The following ZNF385D variants were observed in gnomAD, a reference collection of about 807,000 sequenced individuals.
ZNF385D encodes the protein zinc finger protein 659.
Under a neutral mutation model 35.8 loss-of-function variants are expected in ZNF385D, and 15 were observed. The observed-to-expected ratio is 0.42, with a 90% confidence interval of 0.28 to 0.64. The LOEUF (loss-of-function observed/expected upper bound fraction) is 0.64, where lower values mean the gene tolerates loss of function less well. Among genes scored for constraint, ZNF385D ranks in the 30% least tolerant of loss-of-function variants. ZNF385D has a pLI of 0.23. For missense variants in ZNF385D, 474 were observed against 494.6 expected, an observed-to-expected ratio of 0.96 and a Z score of 0.39; for synonymous variants, 212 against 186.8, an observed-to-expected ratio of 1.13 and a Z score of -1.10.
intron 4 of ZNF385D, among the ~76,000 whole-genome samples, chr3:21,491,072 A>G (rs1441617465): frequency 8.3e-6 from 1 of 120,594 alleles, no homozygotes. Flanking sequence ...AGGTGTTTTA[A>G]GATAATTCAT....
intron 3 of ZNF385D, among the ~76,000 whole-genome samples, chr3:21,918,296 C>T (rs1700292167): frequency 6.6e-6 from 1 of 152,008 alleles, no homozygotes; most frequent in African/African-American, 2.4e-5. Flanking sequence ...AGTGAGAGGC[C>T]AAAACAATGA....
chr3:21,633,193 A>G (rs2065331600), intron 2 of ZNF385D, among the ~76,000 whole-genome samples: 1 of 152,092 alleles, frequency 6.6e-6, no homozygotes, highest in Admixed American at 6.6e-5. Context: ...ATAATACAAC[A>G]GTACAACTAA....
chr3:22,081,660 T>G (rs1241625263), intron 3 of ZNF385D, among the ~76,000 whole-genome samples: 1 of 152,128 alleles, frequency 6.6e-6, no homozygotes, highest in Non-Finnish European at 1.5e-5. Context: ...TCTACCCTGT[T>G]TTTTACAAGT....
chr3:22,098,084 G>A (rs141836224), intron 3 of ZNF385D, among the ~76,000 whole-genome samples: 167 of 152,068 alleles, frequency 1.1e-3, no homozygotes, highest in African/African-American at 3.8e-3. Flanking sequence ...TGGTAGTGGT[G>A]GTATATGTTG....
At chr3:21,516,965 T>C (rs1424876298) in intron 3 of ZNF385D, among the ~76,000 whole-genome samples, 1 of 152,104 alleles carries the variant, frequency 6.6e-6, no homozygotes, top group East Asian at 1.9e-4. Context: ...TTCCCTTTTT[T>C]TGTTTTTTTA....
At position 21,750,903 on chromosome 3, in the gene ZNF385D, AT is replaced by A; in HGVS notation, c.13del (p.Met5CysfsTer59). 1 of 1,614,096 alleles carries A rather than the reference AT, an allele frequency of 6.2e-7. No individual in the cohort carries two copies. Among genetic ancestry groups the A allele is most frequent in the East Asian group, 2.2e-5 (1 of 44,858 alleles). On this transcript the variant is annotated frameshift_variant, in exon 1 of 8. Coordinates refer to ENST00000281523, the MANE Select transcript of ZNF385D (RefSeq NM_024697.3). LOFTEE classifies it high-confidence loss of function. MRNIMYFGGTCQSPA... is the reference protein window; with the variant it reads MRNIXYFGGTCQSPA... ...TCAGAGTGAACACTCACCAAAATAC[AT>A]TATGTTTCTCATTAATCAGACAGCT...
At chr3:22,335,101 T>A (rs1377209120) in intron 2 of ZNF385D, among the ~76,000 whole-genome samples, 1 of 152,152 alleles carries the variant, frequency 6.6e-6, no homozygotes, top group Admixed American at 6.5e-5. Flanking sequence ...ATATTTTATA[T>A]TGAATATAAT....
intron 3 of ZNF385D, among the ~76,000 whole-genome samples, chr3:22,047,965 T>G (rs1033420233): frequency 6.6e-6 from 1 of 152,166 alleles, no homozygotes; most frequent in African/African-American, 2.4e-5. Flanking sequence ...AATAGCTCAT[T>G]GTGGATTTAA....
At chr3:22,216,803 A>C (rs745924443) in intron 2 of ZNF385D, among the ~76,000 whole-genome samples, 1 of 152,042 alleles carries the variant, frequency 6.6e-6, no homozygotes, top group Non-Finnish European at 1.5e-5. Flanking sequence ...CGTCAATGAA[A>C]AATTATTGGC....
chr3:21,908,110 TTCTC>T (rs1312283300), intron 3 of ZNF385D, among the ~76,000 whole-genome samples: 4 of 137,702 alleles, frequency 2.9e-5, no homozygotes, highest in African/African-American at 1.1e-4. Context: ...CTATATATCT[TTCTC>T]TCTATATCTA....
At chr3:21,576,845 G>T (rs2063510048) in intron 2 of ZNF385D, among the ~76,000 whole-genome samples, 1 of 152,166 alleles carries the variant, frequency 6.6e-6, no homozygotes, top group Non-Finnish European at 1.5e-5. Flanking sequence ...TCTGTAACAG[G>T]TTTTTTCTAT....
rs368023447 is a variant in ZNF385D, at chr3:22,333,519, C to G, written c.106+38931G>C. On this transcript the variant is annotated intron_variant, in intron 2 of 5. Transcript: ENST00000494108. ...CGTATAATTCCTATTAATTGGTCTT[C>G]AATTTCACTGAACTTCTGTTGTCAT... 2.6e-4 allele frequency among the ~76,000 whole-genome samples: 40 copies of G among 152,142 alleles called. 1 individual carries two copies. The South Asian group carries it at 7.0e-3, about 27-fold the overall frequency.
intron 2 of ZNF385D, among the ~76,000 whole-genome samples, chr3:22,220,562 T>C (rs914132284): frequency 1.3e-5 from 2 of 152,196 alleles, no homozygotes; most frequent in Non-Finnish European, 2.9e-5. Flanking sequence ...GTTATTGTCA[T>C]TGTCTTTAGT....
intron 4 of ZNF385D, among the ~76,000 whole-genome samples, chr3:21,448,591 T>G (rs1702280331): frequency 6.6e-6 from 1 of 151,984 alleles, no homozygotes; most frequent in Non-Finnish European, 1.5e-5. Flanking sequence ...ATAGGAGAAA[T>G]CAAAAGTCTA....
At chr3:21,624,808 G>A (rs1367196316) in intron 2 of ZNF385D, among the ~76,000 whole-genome samples, 1 of 152,080 alleles carries the variant, frequency 6.6e-6, no homozygotes, top group South Asian at 2.1e-4. Flanking sequence ...AAGTCACTCC[G>A]CAGCTGCCAA....
chr3:21,988,653 C>G (rs945228030), intron 3 of ZNF385D, among the ~76,000 whole-genome samples: 11 of 151,606 alleles, frequency 7.3e-5, no homozygotes, highest in Admixed American at 3.9e-4. Context: ...AGAGGTGGAG[C>G]CTACAGAGGC....
At chr3:21,784,237 A>G (rs2071601277) in intron 3 of ZNF385D, among the ~76,000 whole-genome samples, 1 of 152,182 alleles carries the variant, frequency 6.6e-6, no homozygotes, top group South Asian at 2.1e-4. Context: ...GCAAACTATA[A>G]TTGGCCATTG....
In ZNF385D at chr3:21,880,048, G is replaced by A. The variant is rs781549258; in HGVS notation, c.326-215020C>T. Among the ~76,000 whole-genome samples the A allele has an allele frequency of 2.0e-5, 3 of 151,910 alleles. No homozygotes were observed. In the South Asian group the frequency reaches 6.2e-4, roughly 31 times the overall value. On this transcript the variant is annotated intron_variant, in intron 3 of 5. Coordinates refer to the ZNF385D transcript ENST00000494108. ...TTTTTTAAATATGTAAAAATACTATGGGTATGCAAATAGCATGCAAATTAA... is the reference window on the plus strand; with the variant it reads ...TTTTTTAAATATGTAAAAATACTATAGGTATGCAAATAGCATGCAAATTAA...
chr3:22,147,027 C>T (rs1174533678), intron 3 of ZNF385D, among the ~76,000 whole-genome samples: 1 of 152,092 alleles, frequency 6.6e-6, no homozygotes, highest in East Asian at 1.9e-4. Context: ...TGGTTGTTAG[C>T]AAATCTGACA....
Sources: allele counts gnomAD v4.1 joint callset (sites outside exome capture counted in the v4.1 genomes callset), GRCh38; gene constraint gnomAD v4.1.1; transcripts MANE v1.5; gene names NCBI Gene and HGNC (gene_info 2026-07-23, HGNC 2026-07-21).